The following SLC24A3 variants were observed in gnomAD, a reference collection of about 807,000 sequenced individuals.
SLC24A3 encodes the protein solute carrier family 24 member 3.
In SLC24A3, 28 loss-of-function variants were observed where a neutral mutation model predicts 75.8. That is an observed-to-expected ratio of 0.37 (90% CI 0.27 to 0.51). SLC24A3 has a LOEUF of 0.51. Among genes scored for constraint, SLC24A3 ranks in the 20% least tolerant of loss-of-function variants. The probability of loss-of-function intolerance (pLI) is 0.94; values close to 1 mark genes in which losing one functional copy is unlikely to be tolerated. For synonymous variants in SLC24A3, 372 were observed against 334.1 expected, an observed-to-expected ratio of 1.11 and a Z score of -1.24; for missense variants, 663 against 847.8, an observed-to-expected ratio of 0.78 and a Z score of 2.71.
intron 6 of SLC24A3, among the ~76,000 whole-genome samples, chr20:19,589,277 C>A (rs573785052): frequency 2.4e-4 from 37 of 152,262 alleles, no homozygotes; most frequent in Non-Finnish European, 5.0e-4. Context: ...TCTGTGGGAA[C>A]TGGGAGACAG....
At chr20:19,542,361 A>G (rs2030514550) in intron 3 of SLC24A3, among the ~76,000 whole-genome samples, 1 of 152,250 alleles carries the variant, frequency 6.6e-6, no homozygotes, top group African/African-American at 2.4e-5. Flanking sequence ...CCTCTTCATT[A>G]GAATGCAAAC....
At chr20:19,237,440 G>A (rs966420455) in intron 1 of SLC24A3, among the ~76,000 whole-genome samples, 14 of 152,144 alleles carry the variant, frequency 9.2e-5, no homozygotes, top group Admixed American at 1.3e-4. Context: ...CTGGTGTGCC[G>A]TCCCTTTCAA....
At chr20:19,509,477 A>T (rs560927638) in intron 2 of SLC24A3, among the ~76,000 whole-genome samples, 1 of 152,208 alleles carries the variant, frequency 6.6e-6, no homozygotes, top group Non-Finnish European at 1.5e-5. Context: ...CACTTGGCAG[A>T]GCCTTCCAGT....
rs1199352758 is a variant in SLC24A3, at chr20:19,721,083, C to T, written c.1878C>T (p.Ile626=). The part of the protein sequence containing the change: ...LLYGVFLCFS[I]MTEFNVFTFV... ...ATGGTGTGTTCCTGTGCTTCTCCAT[C>T]ATGACTGAGTTCAACGTGTTCACCT... The change falls in exon 17 of 17, where the codon ATC becomes ATT. Residue 626 remains isoleucine, a synonymous_variant. Transcript: ENST00000328041. The T allele has an allele frequency of 6.2e-7, 1 of 1,614,178 alleles. No individual in the cohort carries two copies. Among genetic ancestry groups the T allele is most frequent in the Non-Finnish European group, 8.5e-7 (1 of 1,180,026 alleles).
At chr20:19,497,393 C>T (rs903820231) in intron 2 of SLC24A3, among the ~76,000 whole-genome samples, 3 of 152,174 alleles carry the variant, frequency 2.0e-5, no homozygotes, top group Admixed American at 6.5e-5. Context: ...ACGCTATGTC[C>T]TCCGGGGTCA....
intron 2 of SLC24A3, among the ~76,000 whole-genome samples, chr20:19,291,012 A>C (rs999603957): frequency 1.3e-5 from 2 of 152,204 alleles, no homozygotes; most frequent in Admixed American, 1.3e-4. Context: ...TTTGTATTGA[A>C]GTCAACAGGG....
chr20:19,346,161 TATATATATGGTATATATATATG>T (rs1985405344), intron 2 of SLC24A3, among the ~76,000 whole-genome samples: 1 of 33,334 alleles, frequency 3.0e-5, no homozygotes, highest in Admixed American at 4.1e-4. Flanking sequence ...ATATATGGTG[TATATATATGGTATATATATATG>T]GTGTATATAT....
chr20:19,576,102 C>T (rs1163995589), intron 3 of SLC24A3, among the ~76,000 whole-genome samples: 1 of 152,084 alleles, frequency 6.6e-6, no homozygotes, highest in Non-Finnish European at 1.5e-5. Context: ...AACTCCCTGC[C>T]TCATATAATA....
Position 19,459,762 on chromosome 20 carries a change from G to A in SLC24A3, c.272-55726G>A, listed in dbSNP as rs373558591. On this transcript the variant is annotated intron_variant, in intron 2 of 16. Transcript: ENST00000328041. ...TCCAGGTGGCCTGAGAGAGACTCAG[G>A]GAAACCCTTGGGGAATCTTCCTTCT... 4.6e-5 allele frequency among the ~76,000 whole-genome samples: 7 copies of A among 152,114 alleles called. No individual in the cohort carries two copies. In the East Asian group the frequency reaches 5.8e-4, roughly 13 times the overall value.
intron 1 of SLC24A3, among the ~76,000 whole-genome samples, chr20:19,245,440 G>A (rs7265772): frequency 0.23 from 34,711 of 152,040 alleles, 4,703 homozygotes; most frequent in African/African-American, 0.39. Context: ...TGATCAATTT[G>A]AGTTGGCGGT....
chr20:19,380,867 C>T (rs771185531), intron 2 of SLC24A3, among the ~76,000 whole-genome samples: 1 of 152,126 alleles, frequency 6.6e-6, no homozygotes, highest in Non-Finnish European at 1.5e-5. Context: ...CTTTGACATC[C>T]AGAATAATGT....
chr20:19,263,133 G>T (rs1983050101), intron 1 of SLC24A3, among the ~76,000 whole-genome samples: 5 of 151,632 alleles, frequency 3.3e-5, no homozygotes, highest in Admixed American at 2.6e-4. Flanking sequence ...AATGGAAAAG[G>T]ATTTTCTTTC....
chr20:19,410,890 G>A (rs1986732145), intron 2 of SLC24A3, among the ~76,000 whole-genome samples: 1 of 152,192 alleles, frequency 6.6e-6, no homozygotes, highest in Non-Finnish European at 1.5e-5. Flanking sequence ...ACAATTTGAT[G>A]AGCTCAGTGG....
chr20:19,301,117 C>T (rs1188230854), intron 2 of SLC24A3, among the ~76,000 whole-genome samples: 1 of 152,146 alleles, frequency 6.6e-6, no homozygotes, highest in African/African-American at 2.4e-5. Context: ...AAGGCAGGTC[C>T]CTCTATGCCC....
At chr20:19,708,444 C>T (rs2032952452) in intron 15 of SLC24A3, among the ~76,000 whole-genome samples, 1 of 152,208 alleles carries the variant, frequency 6.6e-6, no homozygotes, top group African/African-American at 2.4e-5. Flanking sequence ...TTCAGGCTCC[C>T]AGCACCAGGA....
intron 6 of SLC24A3, among the ~76,000 whole-genome samples, chr20:19,635,911 T>A (rs1399574899): frequency 6.6e-6 from 1 of 152,052 alleles, no homozygotes; most frequent in Admixed American, 6.6e-5. Context: ...GAGGCCGAGA[T>A]GGGTGGATCA....
chr20:19,692,431 A>G (rs931367171), intron 12 of SLC24A3, among the ~76,000 whole-genome samples: 2 of 152,252 alleles, frequency 1.3e-5, no homozygotes, highest in African/African-American at 4.8e-5. Context: ...ATAGGAGGGA[A>G]TACTACACAG....
chr20:19,388,388 A>T (rs1178295459), intron 2 of SLC24A3, among the ~76,000 whole-genome samples: 1 of 152,108 alleles, frequency 6.6e-6, no homozygotes, highest in Admixed American at 6.5e-5. Context: ...GACAGTTTTT[A>T]ACTTAAATTC....
At chr20:19,234,600 A>T (rs914289932) in intron 1 of SLC24A3, among the ~76,000 whole-genome samples, 3 of 152,154 alleles carry the variant, frequency 2.0e-5, no homozygotes, top group African/African-American at 7.2e-5. Context: ...ATGAGATGGG[A>T]TCCAGCTTCC....
Sources: allele counts gnomAD v4.1 joint callset (sites outside exome capture counted in the v4.1 genomes callset), GRCh38; gene constraint gnomAD v4.1.1; transcripts MANE v1.5; gene names NCBI Gene and HGNC (gene_info 2026-07-23, HGNC 2026-07-21).